The following ATP11A variants were observed in gnomAD, a reference collection of about 807,000 sequenced individuals.
The protein encoded by ATP11A is ATPase phospholipid transporting 11A.
Under a neutral mutation model 154.4 loss-of-function variants are expected in ATP11A, and 81 were observed. The observed-to-expected ratio is 0.52, with a 90% CI of 0.44 to 0.63. ATP11A has a LOEUF of 0.63. Among genes scored for constraint, ATP11A ranks in the 30% least tolerant of loss-of-function variants. The probability of loss-of-function intolerance (pLI) is 0.00; values close to 1 mark genes in which losing one functional copy is unlikely to be tolerated. For missense variants in ATP11A, 1,316 were observed against 1,474.3 expected (o/e 0.89, Z 1.76); for synonymous variants, 623 against 585.9 (o/e 1.06, Z -0.91).
Position 112,859,504 on chromosome 13 carries a change from C to A in ATP11A, c.2727+52C>A. On this transcript the variant is annotated intron_variant, in intron 23 of 29. Transcript: ENST00000375645. This position sits in a 1 kb window ranked among gnomAD's most constrained non-coding sequence, Gnocchi z 4.3. ...GCTGTCTGAGCCTTCTTTTCCTTCC[C>A]GCAGTGGGTGGCTGCTGTGGGGAGG... 1 of 1,485,020 alleles carries A rather than the reference C, an allele frequency of 6.7e-7. No homozygotes were observed. Among genetic ancestry groups the A allele is most frequent in the South Asian group, 1.1e-5 (1 of 88,334 alleles). The allele number at this position is 1,485,020 out of a possible 1,614,324, so 92.0% of individuals were successfully genotyped here. A position where few individuals can be genotyped will look rare whatever the true frequency, so the allele number is the denominator to read the frequency against.
At chr13:112,878,483 T>TG in intron 29 of ATP11A, 180 bp downstream of exon 29, 1 of 632,192 alleles carries the variant, frequency 1.6e-6, no homozygotes, top group Non-Finnish European at 2.8e-6. Context: ...AGACTGATCA[T>TG]GGGCTGTGCT....
chr13:112,875,966 G>C lies in ATP11A; in HGVS notation c.3327+25G>C. 2 of 1,596,224 alleles carry C rather than the reference G, an allele frequency of 1.3e-6. No individual in the cohort carries two copies. The highest frequency in any genetic ancestry group is 3.3e-5 in the Admixed American group (2 of 59,786). On this transcript the variant is annotated intron_variant, in intron 28 of 29. Transcript: ENST00000375645. This position sits in a 1 kb window ranked among gnomAD's most constrained non-coding sequence, Gnocchi z 4.1. ...GGTACGGAGTGTCCCCAGCCGGGGC[G>C]GGGGTGCCTCAGGGCCCTGGCCTTA...
chr13:112,810,547 GTC>G, intron 4 of ATP11A, 70 bp from the exon 5 acceptor site: 2 of 1,278,718 alleles, frequency 1.6e-6, no homozygotes, highest in South Asian at 1.2e-5. Flanking sequence ...CAAGCCTTCT[GTC>G]TCTCCCTCCC....
chr13:112,774,973 G>C (rs78614632), intron 1 of ATP11A, among the ~76,000 whole-genome samples: 1 of 152,238 alleles, frequency 6.6e-6, no homozygotes, highest in Admixed American at 6.5e-5. Flanking sequence ...GGGAATGGAG[G>C]CTTTGTTGTT....
chr13:112,707,937 A>C (rs1218909857), intron 1 of ATP11A, among the ~76,000 whole-genome samples: 1 of 152,220 alleles, frequency 6.6e-6, no homozygotes, highest in Non-Finnish European at 1.5e-5. Context: ...CATCTTGAGA[A>C]GTATGCTCAG....
chr13:112,691,435 A>T (rs1369035734), intron 1 of ATP11A, among the ~76,000 whole-genome samples: 1 of 148,218 alleles, frequency 6.7e-6, no homozygotes, highest in Non-Finnish European at 1.5e-5. Flanking sequence ...CTGCACTCCA[A>T]CCTGGGTGAC....
chr13:112,781,924 C>T (rs2077510840), intron 1 of ATP11A, among the ~76,000 whole-genome samples: 1 of 152,142 alleles, frequency 6.6e-6, no homozygotes, highest in Non-Finnish European at 1.5e-5. Context: ...TCTAAGTGAC[C>T]TCATGGCTTC....
intron 27 of ATP11A, among the ~76,000 whole-genome samples, chr13:112,874,889 G>C (rs1189513754): frequency 6.6e-6 from 1 of 152,196 alleles, no homozygotes; most frequent in Non-Finnish European, 1.5e-5. Flanking sequence ...TCTCTGACCA[G>C]CTCCTGGGCT....
rs2079139522 is a variant in ATP11A, at chr13:112,833,020, A to G, written c.1556A>G (p.Gln519Arg). Residue 519 changes from glutamine (Q) to arginine (R), a missense_variant, in exon 14 of 30, where the codon CAG becomes CGG. Gln to Arg is a conservative substitution (Grantham distance 43, BLOSUM62 1). Coordinates refer to ENST00000375645, the MANE Select transcript of ATP11A (RefSeq NM_015205.3). ...GAGGTGGCGCTGGTCGAAGGTGTCC[A>G]GAGGTACGTCGCGGGCCAAGGGTCT... ...PDEVALVEGV[Q>R]RLGFTYLRLK... 1 of 1,611,494 alleles carries G rather than the reference A, an allele frequency of 6.2e-7. No homozygotes were observed. The highest frequency in any genetic ancestry group is 2.2e-5 in the East Asian group (1 of 44,826).
chr13:112,819,915 C>T lies in ATP11A; in HGVS notation c.690C>T (p.Ile230=). The part of the protein sequence containing the change: ...QPDLYKFVGR[I]NVYSDLNDPV... ...CTGTCGCCAGGTTCGTGGGTCGCAT[C>T]AACGTTTACAGTGACCTGAATGACC... Residue 230 remains isoleucine (I), a synonymous_variant, in exon 8 of 30, where the codon ATC becomes ATT. Coordinates refer to ENST00000375645, the MANE Select transcript of ATP11A (RefSeq NM_015205.3). The T allele has an allele frequency of 1.9e-5, 30 of 1,613,816 alleles. No homozygotes were observed. The highest frequency in any genetic ancestry group is 2.5e-5 in the Non-Finnish European group (29 of 1,179,846).
intron 1 of ATP11A, among the ~76,000 whole-genome samples, chr13:112,762,199 C>T (rs1290608341): frequency 6.6e-6 from 1 of 152,198 alleles, no homozygotes; most frequent in Non-Finnish European, 1.5e-5. Flanking sequence ...TCCTCCTCTG[C>T]CCCAGCTCAG....
chr13:112,789,308 G>A (rs967421568), intron 2 of ATP11A, among the ~76,000 whole-genome samples: 2 of 148,694 alleles, frequency 1.3e-5, no homozygotes, highest in African/African-American at 5.0e-5. Context: ...GTGTCCTGAT[G>A]TGTAGACCTC....
intron 15 of ATP11A, among the ~76,000 whole-genome samples, chr13:112,835,768 T>G (rs1389651818): frequency 6.6e-6 from 1 of 152,246 alleles, no homozygotes; most frequent in East Asian, 1.9e-4. Context: ...AAACGCTTTT[T>G]CCTTTGGTTT....
At chr13:112,712,901 G>A (rs760719278) in intron 1 of ATP11A, among the ~76,000 whole-genome samples, 9 of 152,342 alleles carry the variant, frequency 5.9e-5, no homozygotes, top group South Asian at 2.1e-4. Flanking sequence ...GTAACACCTC[G>A]GAGGTGAGGG....
At chr13:112,747,893 T>C (rs977607826) in intron 1 of ATP11A, among the ~76,000 whole-genome samples, 3 of 150,764 alleles carry the variant, frequency 2.0e-5, no homozygotes, top group African/African-American at 7.3e-5. Flanking sequence ...AAAGAAAGGG[T>C]AAGGCAAAAT....
At chr13:112,822,303 A>G (rs1039667487) in intron 8 of ATP11A, among the ~76,000 whole-genome samples, 9 of 152,220 alleles carry the variant, frequency 5.9e-5, no homozygotes, top group Non-Finnish European at 1.3e-4. Context: ...TGTTATATCA[A>G]GAATATAAGC....
At chr13:112,699,951 C>T (rs964650576) in intron 1 of ATP11A, among the ~76,000 whole-genome samples, 6 of 151,868 alleles carry the variant, frequency 4.0e-5, no homozygotes, top group Non-Finnish European at 5.9e-5. Flanking sequence ...TTACACTTTT[C>T]GTACGCTTTT....
At chr13:112,714,673 C>T (rs1047927398) in intron 1 of ATP11A, among the ~76,000 whole-genome samples, 8 of 152,238 alleles carry the variant, frequency 5.3e-5, no homozygotes, top group Non-Finnish European at 1.0e-4. Flanking sequence ...TGAAGCTTCT[C>T]GACCTTGGGC....
chr13:112,726,393 G>A (rs772334308), intron 1 of ATP11A, among the ~76,000 whole-genome samples: 3 of 152,210 alleles, frequency 2.0e-5, no homozygotes, highest in Non-Finnish European at 4.4e-5. Context: ...CTGCATGCAG[G>A]GAGAGGGGCC....
Sources: allele counts gnomAD v4.1 joint callset (sites outside exome capture counted in the v4.1 genomes callset), GRCh38; gene constraint gnomAD v4.1.1; non-coding constraint Gnocchi (gnomAD v3.1); transcripts MANE v1.5; gene names NCBI Gene and HGNC (gene_info 2026-07-23, HGNC 2026-07-21).